Variants in TOX observed in about 807,000 individuals in gnomAD.
TOX encodes the protein thymocyte selection-associated high mobility group box protein TOX.
A neutral mutation model predicts 53.7 loss-of-function variants in TOX; 11 were observed. The ratio of observed to expected loss-of-function variants is 0.20; its 90% CI spans 0.13 to 0.34. TOX has a LOEUF of 0.34. Ranked by LOEUF, TOX falls within the 10% of genes least tolerant of loss-of-function variation. The probability of loss-of-function intolerance (pLI) is 1.00; values close to 1 mark genes in which losing one functional copy is unlikely to be tolerated. For synonymous variants in TOX, 225 were observed against 245.3 expected, an observed-to-expected ratio of 0.92 and a Z score of 0.77; for missense variants, 570 against 664.6, an observed-to-expected ratio of 0.86 and a Z score of 1.56.
At chr8:58,811,773 C>T (rs954816460) in intron 7 of TOX, among the ~76,000 whole-genome samples, 3 of 151,870 alleles carry the variant, frequency 2.0e-5, no homozygotes, top group Admixed American at 1.3e-4. Context: ...TGACCTCATT[C>T]GACAATCTCA....
At chr8:59,049,342 T>A (rs1803747053) in intron 1 of TOX, among the ~76,000 whole-genome samples, 1 of 152,166 alleles carries the variant, frequency 6.6e-6, no homozygotes, top group African/African-American at 2.4e-5. Context: ...CTTCGTTGGA[T>A]CACAAAGACC....
At chr8:58,925,572 C>T (rs1319541993) in intron 3 of TOX, among the ~76,000 whole-genome samples, 1 of 152,172 alleles carries the variant, frequency 6.6e-6, no homozygotes, top group Non-Finnish European at 1.5e-5. Flanking sequence ...CAACCTTTCT[C>T]CATTTCACAT....
intron 3 of TOX, among the ~76,000 whole-genome samples, chr8:58,871,705 TG>T (rs1176052497): frequency 6.6e-6 from 1 of 152,124 alleles, no homozygotes; most frequent in East Asian, 1.9e-4. Flanking sequence ...AAATGGATAG[TG>T]GATGTGGGTG....
chr8:59,016,557 G>A (rs767410558), intron 1 of TOX, among the ~76,000 whole-genome samples: 1 of 152,166 alleles, frequency 6.6e-6, no homozygotes. Context: ...AGATGCAGCA[G>A]TATATTCAAA....
chr8:58,815,353 T>C lies in TOX; in HGVS notation c.1377A>G (p.Ser459=). The C allele has an allele frequency of 6.3e-7, 1 of 1,599,480 alleles. No individual in the cohort carries two copies. The highest frequency in any genetic ancestry group is 8.5e-7 in the Non-Finnish European group (1 of 1,172,196). Residue 459 remains serine (S), a synonymous_variant, in exon 7 of 9, where the codon TCA becomes TCG. Coordinates refer to ENST00000361421, the MANE Select transcript of TOX (RefSeq NM_014729.3). ...TTGCACTTACTTGCTGCATGGTGGG[T>C]GAGTGTAAGGCAGACTGGACCTGCA... The part of the protein sequence containing the change: ...LPMQVQSALH[S]PTMQQGFTLQ...
intron 1 of TOX, among the ~76,000 whole-genome samples, chr8:59,020,260 G>T (rs889591962): frequency 1.3e-5 from 2 of 152,162 alleles, no homozygotes; most frequent in Non-Finnish European, 2.9e-5. Flanking sequence ...GGCCCACAGA[G>T]TCATTCAAGG....
At chr8:59,044,529 T>C (rs996020428) in intron 1 of TOX, among the ~76,000 whole-genome samples, 5 of 152,202 alleles carry the variant, frequency 3.3e-5, no homozygotes, top group African/African-American at 1.2e-4. Flanking sequence ...TAACATTTTA[T>C]ATTCAAAGCA....
chr8:59,040,546 TA>T (rs1803561525), intron 1 of TOX, among the ~76,000 whole-genome samples: 1 of 152,222 alleles, frequency 6.6e-6, no homozygotes, highest in Non-Finnish European at 1.5e-5. Flanking sequence ...AATCATTAGT[TA>T]AATAAACAAA....
At chr8:59,070,685 G>T (rs868557531) in intron 1 of TOX, among the ~76,000 whole-genome samples, 1 of 152,130 alleles carries the variant, frequency 6.6e-6, no homozygotes. Flanking sequence ...AACAAGAAAA[G>T]AATAGTGGGT....
intron 2 of TOX, among the ~76,000 whole-genome samples, chr8:58,947,032 T>C (rs775857203): frequency 5.3e-5 from 8 of 152,174 alleles, no homozygotes; most frequent in Non-Finnish European, 1.2e-4. Flanking sequence ...GTGTTGTCAG[T>C]CATAAACCTG....
At chr8:59,053,327 T>C (rs1018508754) in intron 1 of TOX, among the ~76,000 whole-genome samples, 2 of 152,158 alleles carry the variant, frequency 1.3e-5, no homozygotes, top group African/African-American at 4.8e-5. Flanking sequence ...AGTCCTGCTA[T>C]CCCTACTGAA....
chr8:59,082,068 T>C (rs929369049), intron 1 of TOX, among the ~76,000 whole-genome samples: 1 of 152,260 alleles, frequency 6.6e-6, no homozygotes, highest in Non-Finnish European at 1.5e-5. Context: ...GATATCATTT[T>C]AGTTGTGTTG....
chr8:59,046,938 T>G (rs1409932135), intron 1 of TOX, among the ~76,000 whole-genome samples: 1 of 149,842 alleles, frequency 6.7e-6, no homozygotes, highest in South Asian at 2.1e-4. Context: ...CTAAGTAAAC[T>G]GAATCATCAT....
At position 59,043,260 on chromosome 8, in the gene TOX, C is replaced by T. The variant is rs535516081; in HGVS notation, c.102+75626G>A. On this transcript the variant is annotated intron_variant, in intron 1 of 8. Transcript: ENST00000361421. The stretch of plus-strand genomic sequence containing the variant: ...GTGTCTGTGTGTAAACTTTATTTTT[C>T]CAGTAAATGAAATTGGAGAAACTAT... Among the ~76,000 whole-genome samples, 18 of 147,788 alleles carry T rather than the reference C, an allele frequency of 1.2e-4. No homozygotes were observed. The South Asian group carries it at 3.8e-3, about 32-fold the overall frequency.
Position 58,815,817 on chromosome 8 carries a change from C to T in TOX, c.1006-93G>A, listed in dbSNP as rs1810166852. Reference sequence around the variant, plus strand: ...TTGTGAGTTTATTAAAGCACCTTCCCTGGAATCCATACCCATGACTATCCC... The same window carrying T: ...TTGTGAGTTTATTAAAGCACCTTCCTTGGAATCCATACCCATGACTATCCC... On this transcript the variant is annotated intron_variant, in intron 6 of 8. Coordinates refer to ENST00000361421, the MANE Select transcript of TOX (RefSeq NM_014729.3). 3 of 1,401,090 alleles carry T rather than the reference C, an allele frequency of 2.1e-6. No individual in the cohort carries two copies. The Admixed American group carries it at 7.2e-5, about 33-fold the overall frequency. 86.8% of individuals were successfully genotyped at this position (1,401,090 alleles called of 1,614,324 possible).
chr8:59,098,785 T>G (rs1474348190), intron 1 of TOX, among the ~76,000 whole-genome samples: 1 of 152,198 alleles, frequency 6.6e-6, no homozygotes, highest in Non-Finnish European at 1.5e-5. Flanking sequence ...CTCCTTGACT[T>G]CTGATTCCCA....
At chr8:58,993,586 A>G (rs1813496702) in intron 1 of TOX, among the ~76,000 whole-genome samples, 1 of 152,218 alleles carries the variant, frequency 6.6e-6, no homozygotes, top group African/African-American at 2.4e-5. Flanking sequence ...TTCTTCTAAG[A>G]GAAAATGAAA....
intron 1 of TOX, among the ~76,000 whole-genome samples, chr8:59,036,905 A>C (rs1814469647): frequency 6.6e-6 from 1 of 152,200 alleles, no homozygotes; most frequent in African/African-American, 2.4e-5. Flanking sequence ...TGTGTGTCTA[A>C]TCCTTCCTTA....
chr8:58,930,008 T>C (rs1036265042), intron 3 of TOX, among the ~76,000 whole-genome samples: 2 of 152,208 alleles, frequency 1.3e-5, no homozygotes, highest in Non-Finnish European at 2.9e-5. Flanking sequence ...AATAGTGGAA[T>C]AGGTTAGAAA....
Sources: gnomAD v4.1 joint callset for allele counts (sites outside exome capture counted in the v4.1 genomes callset) on GRCh38, gnomAD v4.1.1 for gene constraint, MANE v1.5 for transcripts, NCBI Gene and HGNC (gene_info 2026-07-23, HGNC 2026-07-21) for gene names.